Variants in ABL1 observed in about 807,000 individuals in gnomAD.
The protein encoded by ABL1 is ABL proto-oncogene 1, non-receptor tyrosine kinase, also known as tyrosine-protein kinase ABL1.
A neutral mutation model predicts 94.7 loss-of-function variants in ABL1; 11 were observed. That is an observed-to-expected ratio of 0.12 (90% CI 0.07 to 0.19). ABL1 has a LOEUF of 0.19. Ranked by LOEUF, ABL1 falls within the 10% of genes least tolerant of loss-of-function variation. ABL1 has a pLI of 1.00. For synonymous variants in ABL1, 656 were observed against 622.4 expected, an observed-to-expected ratio of 1.05 and a Z score of -0.80; for missense variants, 1,082 against 1,489.4, an observed-to-expected ratio of 0.73 and a Z score of 4.50.
chr9:130,839,077 A>AATT (rs1564306437), intron 1 of ABL1, among the ~76,000 whole-genome samples: 3 of 143,978 alleles, frequency 2.1e-5, no homozygotes, highest in Non-Finnish European at 1.5e-5. Flanking sequence ...ACTAATTAAA[A>AATT]TTTTTTTTTT....
intron 1 of ABL1, among the ~76,000 whole-genome samples, chr9:130,762,131 G>T (rs1488228972): frequency 9.1e-6 from 1 of 110,266 alleles, no homozygotes; most frequent in Admixed American, 1.1e-4. Context: ...CAACAAGAGC[G>T]AAACTCCCAG....
At chr9:130,824,074 G>C in intron 1 of ABL1, among the ~76,000 whole-genome samples, 1 of 152,104 alleles carries the variant, frequency 6.6e-6, no homozygotes, top group Non-Finnish European at 1.5e-5. Context: ...GAAACAATAG[G>C]GTCTGTCTAT....
At chr9:130,771,132 C>A (rs1832245886) in intron 1 of ABL1, among the ~76,000 whole-genome samples, 1 of 152,122 alleles carries the variant, frequency 6.6e-6, no homozygotes, top group South Asian at 2.1e-4. Flanking sequence ...AAACATTCAC[C>A]ACATGGTGGT....
At chr9:130,767,967 T>G (rs561468757) in intron 1 of ABL1, among the ~76,000 whole-genome samples, 1 of 152,312 alleles carries the variant, frequency 6.6e-6, no homozygotes, top group African/African-American at 2.4e-5. Context: ...AAAAATGAAG[T>G]GGAACCTATG....
rs71389365 is a variant in ABL1 at position 130,821,840 on chromosome 9, A to ATT, written c.137-32207_137-32206dup. Among the ~76,000 whole-genome samples the ATT allele has an allele frequency of 6.2e-3, 686 of 109,934 alleles. 4 individuals are homozygous for ATT. Among genetic ancestry groups the ATT allele is most frequent in the African/African-American group, 0.013 (396 of 30,212 alleles). The allele number at this position is 109,934 out of a possible 152,430, so 72.1% of individuals were successfully genotyped here. On this transcript the variant is annotated intron_variant, in intron 1 of 10. Coordinates refer to the ABL1 transcript ENST00000372348. ...ACCACACCTGGCTATTATTATTATT[A>ATT]TTTTTTTTTTTTTTTTTTGAGACAG... is the stretch of plus-strand genomic sequence containing the variant.
intron 1 of ABL1, chr9:130,725,077 G>A (rs1588211333): frequency 4.7e-6 from 1 of 211,288 alleles, no homozygotes; most frequent in Middle Eastern, 2.1e-3. Context: ...TTTTTTTATT[G>A]TGGTAAAATA....
chr9:130,851,953 G>GT (rs1213621670), intron 1 of ABL1, among the ~76,000 whole-genome samples: 6 of 151,302 alleles, frequency 4.0e-5, no homozygotes, highest in Non-Finnish European at 8.8e-5. Context: ...TAATTTTTGT[G>GT]TTTTTAGTAG....
At chr9:130,782,584 C>A (rs1263116739) in intron 1 of ABL1, among the ~76,000 whole-genome samples, 1 of 152,166 alleles carries the variant, frequency 6.6e-6, no homozygotes, top group Non-Finnish European at 1.5e-5. Flanking sequence ...AGCTTTGGCT[C>A]CCACACCTGT....
chr9:130,885,782 C>T lies in ABL1; in HGVS notation c.*99C>T. ...AGTGGCTGACAAGGGACTAGTGAGT[C>T]AGCACCTTGGCCCAGGAGCTCTGCG... On this transcript the variant is annotated 3_prime_UTR_variant, in exon 11 of 11. Coordinates refer to ENST00000318560, the MANE Select transcript of ABL1 (RefSeq NM_005157.6). 1.4e-6 allele frequency: 2 copies of T among 1,444,388 alleles called. No individual in the cohort carries two copies. Among genetic ancestry groups the T allele is most frequent in the South Asian group, 2.9e-5 (2 of 69,836 alleles). 89.5% of individuals were successfully genotyped at this position (1,444,388 alleles called of 1,614,324 possible). A position where few individuals can be genotyped will look rare whatever the true frequency, so the allele number is the denominator to read the frequency against.
intron 1 of ABL1, among the ~76,000 whole-genome samples, chr9:130,765,173 C>A (rs1188560718): frequency 6.6e-6 from 1 of 152,076 alleles, no homozygotes; most frequent in Non-Finnish European, 1.5e-5. Flanking sequence ...TTTGTGCAGT[C>A]TCATGTTTGG....
At chr9:130,848,379 G>A (rs1038675878) in intron 1 of ABL1, among the ~76,000 whole-genome samples, 1 of 147,852 alleles carries the variant, frequency 6.8e-6, no homozygotes, top group Non-Finnish European at 1.5e-5. Context: ...TTAGCCAGGC[G>A]CAGTGGCTCA....
intron 1 of ABL1, among the ~76,000 whole-genome samples, chr9:130,721,831 T>TG (rs999305298): frequency 4.0e-5 from 6 of 149,214 alleles, no homozygotes; most frequent in South Asian, 4.2e-4. Context: ...TGTTTTTTTT[T>TG]TTTTTTTTGA....
At chr9:130,727,426 C>T (rs570938583) in intron 1 of ABL1, among the ~76,000 whole-genome samples, 60 of 152,076 alleles carry the variant, frequency 3.9e-4, no homozygotes, top group Middle Eastern at 3.4e-3. Context: ...ATGATATATT[C>T]GTTTATTTTT....
intron 1 of ABL1, among the ~76,000 whole-genome samples, chr9:130,770,554 T>C (rs1467674873): frequency 1.3e-5 from 2 of 152,174 alleles, no homozygotes; most frequent in African/African-American, 4.8e-5. Context: ...AGAGTCTCCA[T>C]AGGAAAGGAG....
Position 130,863,629 on chromosome 9 carries a change from T to C in ABL1, c.822+594T>C, listed in dbSNP as rs1376977540. ...CTGGTCTTTCTTGTTAACTGGGACT[T>C]TACCCTCTCCACTAATGAATAGTGT... On this transcript the variant is annotated intron_variant, in intron 4 of 10. Coordinates refer to ENST00000318560, the MANE Select transcript of ABL1 (RefSeq NM_005157.6). The surrounding 1 kb of genome is among the most constrained non-coding windows in gnomAD (Gnocchi z 4.3). Among the ~76,000 whole-genome samples the C allele has an allele frequency of 6.6e-6, 1 of 152,238 alleles. No homozygotes were observed. Among genetic ancestry groups the C allele is most frequent in the Non-Finnish European group, 1.5e-5 (1 of 68,044 alleles).
intron 1 of ABL1, among the ~76,000 whole-genome samples, chr9:130,768,739 G>C (rs1226130019): frequency 1.3e-5 from 2 of 152,112 alleles, no homozygotes; most frequent in Non-Finnish European, 2.9e-5. Flanking sequence ...CACTCTATAG[G>C]GTCTTTGTGA....
At chr9:130,853,964 G>T in intron 1 of ABL1, 100 bp from the exon 2 acceptor site, 2 of 1,266,880 alleles carry the variant, frequency 1.6e-6, no homozygotes, top group Non-Finnish European at 2.2e-6. Flanking sequence ...AATGTGTAAT[G>T]TTGGAAACAC....
At chr9:130,830,096 A>G (rs1830476700) in intron 1 of ABL1, among the ~76,000 whole-genome samples, 1 of 152,166 alleles carries the variant, frequency 6.6e-6, no homozygotes, top group Non-Finnish European at 1.5e-5. Flanking sequence ...TGTTATGTAT[A>G]TTACTTTGAT....
At chr9:130,807,150 A>T (rs1261394713) in intron 1 of ABL1, among the ~76,000 whole-genome samples, 6 of 139,684 alleles carry the variant, frequency 4.3e-5, no homozygotes, top group Non-Finnish European at 8.9e-5. Context: ...ACTCCATCTT[A>T]AAAAAAAAAG....
Sources: gnomAD v4.1 joint callset for allele counts (sites outside exome capture counted in the v4.1 genomes callset) on GRCh38, gnomAD v4.1.1 for gene constraint, Gnocchi (gnomAD v3.1) non-coding constraint, MANE v1.5 for transcripts, NCBI Gene and HGNC (gene_info 2026-07-23, HGNC 2026-07-21) for gene names.